EMP2: variants seen among roughly 807,000 people sequenced by gnomAD.
EMP2 encodes epithelial membrane protein 2.
Under a neutral mutation model 13.7 loss-of-function variants are expected in EMP2, and 19 were observed. That is an observed-to-expected ratio of 1.38 (90% CI 0.97 to 2.03). The LOEUF (loss-of-function observed/expected upper bound fraction) is 2.03. EMP2 is among the 30% of genes most tolerant of loss of function. The pLI is 0.00. For missense variants in EMP2, 253 were observed against 220.7 expected (o/e 1.15, Z -0.93); for synonymous variants, 97 against 84.7 (o/e 1.15, Z -0.80).
intron 1 of EMP2, among the ~76,000 whole-genome samples, chr16:10,567,498 C>T (rs73503896): frequency 0.068 from 10,303 of 152,182 alleles, 731 homozygotes; most frequent in African/African-American, 0.18. Context: ...GCAGGGGGAG[C>T]AGGGGCTTAG....
In EMP2 at chr16:10,580,360, C is replaced by A. The variant is rs924845958; in HGVS notation, c.-61+189G>T. Among the ~76,000 whole-genome samples, 4 of 152,216 alleles carry A rather than the reference C, an allele frequency of 2.6e-5. No individual in the cohort carries two copies. Among genetic ancestry groups the A allele is most frequent in the African/African-American group, 7.2e-5 (3 of 41,460 alleles). On this transcript the variant is annotated intron_variant, in intron 1 of 4. Transcript: ENST00000359543. The surrounding 1 kb of genome is among the most constrained non-coding windows in gnomAD (Gnocchi z 4.3). ...GGATGGCGAAGTGGAATTCTGGGGC[C>A]GGAGCGAGCGTGGCGCAGACCAGAG...
At chr16:10,563,164 T>G (rs777092932) in intron 1 of EMP2, among the ~76,000 whole-genome samples, 3 of 150,524 alleles carry the variant, frequency 2.0e-5, no homozygotes, top group Non-Finnish European at 4.4e-5. Flanking sequence ...CAGTCACTCT[T>G]GGTTTAACAG....
Position 10,529,324 on chromosome 16 carries a change from T to C in EMP2, c.*3581A>G, listed in dbSNP as rs1399686840. Reference sequence around the variant, plus strand: ...AAGCACCAAGTGAGGGCTGATTCTATCTACAGGTAAGAAGCTTGGATGTTT... The same window carrying C: ...AAGCACCAAGTGAGGGCTGATTCTACCTACAGGTAAGAAGCTTGGATGTTT... On this transcript the variant is annotated 3_prime_UTR_variant, in exon 5 of 5. Coordinates refer to ENST00000359543, the MANE Select transcript of EMP2 (RefSeq NM_001424.6). 1 of 152,218 alleles carries C rather than the reference T, an allele frequency of 6.6e-6. No individual in the cohort carries two copies. Among genetic ancestry groups the C allele is most frequent in the Non-Finnish European group, 1.5e-5 (1 of 68,038 alleles). The allele number at this position is 152,218 out of a possible 1,614,324, so 9.4% of individuals were successfully genotyped here. A position where few individuals can be genotyped will look rare whatever the true frequency, so the allele number is the denominator to read the frequency against.
At chr16:10,559,706 G>A (rs192902983) in intron 1 of EMP2, among the ~76,000 whole-genome samples, 18 of 152,164 alleles carry the variant, frequency 1.2e-4, no homozygotes, top group African/African-American at 3.4e-4. Flanking sequence ...ACAGAGTCTC[G>A]CTGTGTTGCC....
At chr16:10,575,075 TC>T (rs1567211789) in intron 1 of EMP2, among the ~76,000 whole-genome samples, 1 of 151,722 alleles carries the variant, frequency 6.6e-6, no homozygotes, top group African/African-American at 2.4e-5. Flanking sequence ...CTCTCACTGT[TC>T]CTTGTTGCCT....
chr16:10,543,209 G>A (rs1262735355), intron 3 of EMP2, among the ~76,000 whole-genome samples: 1 of 152,246 alleles, frequency 6.6e-6, no homozygotes, highest in Non-Finnish European at 1.5e-5. Flanking sequence ...TGGTCTCTGA[G>A]CCCATTTAGA....
chr16:10,567,858 A>C (rs1448364784), intron 1 of EMP2, among the ~76,000 whole-genome samples: 3 of 152,226 alleles, frequency 2.0e-5, no homozygotes, highest in African/African-American at 7.2e-5. Flanking sequence ...CATTGGAGAT[A>C]GTCTCCACCA....
chr16:10,540,430 C>T (rs1199147852), intron 3 of EMP2, among the ~76,000 whole-genome samples: 1 of 151,982 alleles, frequency 6.6e-6, no homozygotes, highest in Non-Finnish European at 1.5e-5. Flanking sequence ...GGCTTGAACC[C>T]AGAAGGCGGG....
chr16:10,556,483 A>C (rs1336399900), intron 1 of EMP2, among the ~76,000 whole-genome samples: 1 of 152,210 alleles, frequency 6.6e-6, no homozygotes, highest in Non-Finnish European at 1.5e-5. Context: ...TAGGACAAGC[A>C]ATCCATGTGT....
intron 1 of EMP2, among the ~76,000 whole-genome samples, chr16:10,562,370 C>A (rs868113545): frequency 1.3e-5 from 2 of 149,314 alleles, no homozygotes; most frequent in African/African-American, 5.0e-5. Context: ...CTCTCTCTCT[C>A]TCTCTCTCTC....
At chr16:10,542,451 C>A (rs1318162022) in intron 3 of EMP2, among the ~76,000 whole-genome samples, 2 of 151,368 alleles carry the variant, frequency 1.3e-5, no homozygotes, top group Non-Finnish European at 2.9e-5. Context: ...TCCCCCCCCA[C>A]CAACAAAACC....
At chr16:10,549,552 T>C (rs925622826) in intron 1 of EMP2, among the ~76,000 whole-genome samples, 1 of 152,222 alleles carries the variant, frequency 6.6e-6, no homozygotes, top group Non-Finnish European at 1.5e-5. Context: ...ATATCAACAC[T>C]TGGTTCATTC....
At chr16:10,538,779 C>A (rs1439377450) in intron 3 of EMP2, among the ~76,000 whole-genome samples, 1 of 151,990 alleles carries the variant, frequency 6.6e-6, no homozygotes, top group Non-Finnish European at 1.5e-5. Context: ...ACATGGGTTA[C>A]CTTCGTGGGC....
At chr16:10,541,850 C>T (rs1459096526) in intron 3 of EMP2, among the ~76,000 whole-genome samples, 2 of 152,162 alleles carry the variant, frequency 1.3e-5, no homozygotes, top group African/African-American at 4.8e-5. Context: ...AAAATGGGGC[C>T]TATGGTCCCT....
chr16:10,558,497 G>A (rs935983417), intron 1 of EMP2, among the ~76,000 whole-genome samples: 3 of 152,072 alleles, frequency 2.0e-5, no homozygotes, highest in Non-Finnish European at 1.5e-5. Context: ...GTGTGTGTGT[G>A]TGTGTGTGTC....
At chr16:10,562,810 T>C (rs1221107306) in intron 1 of EMP2, among the ~76,000 whole-genome samples, 3 of 152,332 alleles carry the variant, frequency 2.0e-5, no homozygotes, top group African/African-American at 7.2e-5. Flanking sequence ...AAATGTTTGC[T>C]AGTTTGTGCA....
chr16:10,564,257 G>A (rs180670908), intron 1 of EMP2, among the ~76,000 whole-genome samples: 14 of 152,010 alleles, frequency 9.2e-5, no homozygotes, highest in Admixed American at 7.2e-4. Flanking sequence ...TTGGTAGGTC[G>A]AGGTGGGTGG....
chr16:10,538,220 A>G (rs1306260287), intron 3 of EMP2, 146 bp from the exon 4 acceptor site: 2 of 911,762 alleles, frequency 2.2e-6, no homozygotes, highest in East Asian at 2.6e-5. Context: ...GTCTGAGCAC[A>G]AGGGCAGCCA....
At chr16:10,548,505 C>G (rs1023150611) in intron 1 of EMP2, among the ~76,000 whole-genome samples, 2 of 152,114 alleles carry the variant, frequency 1.3e-5, no homozygotes, top group Non-Finnish European at 2.9e-5. Flanking sequence ...CCAGCTTGGG[C>G]AACAGAGCAA....
Sources: allele counts gnomAD v4.1 joint callset (sites outside exome capture counted in the v4.1 genomes callset), GRCh38; gene constraint gnomAD v4.1.1; non-coding constraint Gnocchi (gnomAD v3.1); transcripts MANE v1.5; gene names NCBI Gene and HGNC (gene_info 2026-07-23, HGNC 2026-07-21).